UVRAG: variants seen among roughly 807,000 people sequenced by gnomAD.
The protein encoded by UVRAG is UV radiation resistance associated, also known as UV radiation resistance-associated gene protein.
Under a neutral mutation model 78.0 loss-of-function variants are expected in UVRAG, and 19 were observed. The observed-to-expected ratio is 0.24, with a 90% CI of 0.17 to 0.36. UVRAG has a LOEUF of 0.36. Among genes scored for constraint, UVRAG ranks in the 10% least tolerant of loss-of-function variants. The pLI is 1.00. For synonymous variants in UVRAG, 323 were observed against 324.6 expected (o/e 1.00, Z 0.05); for missense variants, 740 against 853.8 (o/e 0.87, Z 1.66).
At chr11:75,883,366 G>GACCAAAA (rs796973314) in intron 4 of UVRAG, among the ~76,000 whole-genome samples, 7 of 30,764 alleles carry the variant, frequency 2.3e-4, no homozygotes, top group South Asian at 7.6e-4. Context: ...GAGTAACAGA[G>GACCAAAA]AACAAAAAAA....
chr11:75,826,149 C>G (rs989163288), intron 1 of UVRAG, among the ~76,000 whole-genome samples: 1 of 149,582 alleles, frequency 6.7e-6, no homozygotes, highest in African/African-American at 2.5e-5. Flanking sequence ...GAACTTGTTT[C>G]GTTTTCTTTC....
intron 13 of UVRAG, among the ~76,000 whole-genome samples, chr11:76,095,439 A>G (rs1437504434): frequency 6.6e-6 from 1 of 152,046 alleles, no homozygotes; most frequent in Non-Finnish European, 1.5e-5. Context: ...AAGCTAATTA[A>G]GCCATTAAAA....
intron 11 of UVRAG, among the ~76,000 whole-genome samples, chr11:76,010,351 A>G (rs966511893): frequency 1.3e-5 from 2 of 152,230 alleles, no homozygotes; most frequent in Non-Finnish European, 1.5e-5. Context: ...TAAACAAGAA[A>G]CTAAGTAACT....
At chr11:75,989,269 G>A (rs574762238) in intron 8 of UVRAG, among the ~76,000 whole-genome samples, 4 of 152,060 alleles carry the variant, frequency 2.6e-5, no homozygotes, top group South Asian at 2.1e-4. Flanking sequence ...TGTCCAGCCC[G>A]GTCTTGAACT....
intron 14 of UVRAG, 74 bp downstream of exon 14, chr11:76,116,089 A>G: frequency 7.3e-7 from 1 of 1,372,096 alleles, no homozygotes; most frequent in Admixed American, 1.8e-5. Flanking sequence ...TGACTTCCAC[A>G]TTGCTCCACA....
rs531898512 is a variant in UVRAG at position 75,908,053 on chromosome 11, C to T, written c.508-3901C>T. On this transcript the variant is annotated intron_variant, in intron 5 of 14. Transcript: ENST00000356136. The stretch of plus-strand genomic sequence containing the variant: ...AACTTTTCACCTTACAAAACTGAAA[C>T]TCTTTATTAAACAATAATTCCTCAT... Among the ~76,000 whole-genome samples, 7 of 152,202 alleles carry T rather than the reference C, an allele frequency of 4.6e-5. No homozygotes were observed. In the East Asian group the frequency reaches 1.3e-3, roughly 29 times the overall value.
At chr11:75,965,517 G>A (rs1046974427) in intron 7 of UVRAG, among the ~76,000 whole-genome samples, 7 of 152,090 alleles carry the variant, frequency 4.6e-5, no homozygotes, top group African/African-American at 7.2e-5. Flanking sequence ...GGGGTTCACC[G>A]TGTTAGCCTG....
intron 14 of UVRAG, among the ~76,000 whole-genome samples, chr11:76,125,060 A>T (rs1296041191): frequency 6.6e-6 from 1 of 152,198 alleles, no homozygotes; most frequent in African/African-American, 2.4e-5. Flanking sequence ...TCTGTCCATC[A>T]TCCTTATGCT....
intron 2 of UVRAG, among the ~76,000 whole-genome samples, chr11:75,854,314 A>G (rs1484737858): frequency 6.6e-6 from 1 of 152,216 alleles, no homozygotes; most frequent in Non-Finnish European, 1.5e-5. Context: ...GGCCAGAGAT[A>G]GAAGGATTAC....
intron 12 of UVRAG, among the ~76,000 whole-genome samples, chr11:76,047,654 T>C (rs1950785865): frequency 6.6e-6 from 1 of 152,250 alleles, no homozygotes; most frequent in Non-Finnish European, 1.5e-5. Context: ...CTACTAGGTA[T>C]AGCTGTTATC....
chr11:76,005,704 G>GT (rs994602720), intron 9 of UVRAG, among the ~76,000 whole-genome samples: 57 of 152,220 alleles, frequency 3.7e-4, no homozygotes, highest in African/African-American at 1.4e-3. Context: ...CAAGCCCCAG[G>GT]TTGTGACCTG....
chr11:76,131,730 T>TA (rs1415029846), intron 14 of UVRAG, among the ~76,000 whole-genome samples: 2 of 152,210 alleles, frequency 1.3e-5, no homozygotes, highest in Non-Finnish European at 2.9e-5. Flanking sequence ...ATTAAGTACT[T>TA]ACACTTATCT....
At chr11:75,960,342 ATTAAC>A (rs1241971662) in intron 6 of UVRAG, among the ~76,000 whole-genome samples, 1 of 152,132 alleles carries the variant, frequency 6.6e-6, no homozygotes, top group East Asian at 1.9e-4. Flanking sequence ...ACCTTGCTAA[ATTAAC>A]TTATTAATTT....
chr11:76,072,893 A>G (rs1029398721), intron 13 of UVRAG, among the ~76,000 whole-genome samples: 2 of 152,120 alleles, frequency 1.3e-5, no homozygotes, highest in African/African-American at 2.4e-5. Context: ...GGGATCCCCA[A>G]CACCCTCAGT....
chr11:75,864,536 C>T (rs1345081445), intron 3 of UVRAG, among the ~76,000 whole-genome samples: 1 of 152,212 alleles, frequency 6.6e-6, no homozygotes, highest in East Asian at 1.9e-4. Context: ...GCCAGGTCAA[C>T]AGCAGAATTG....
At chr11:76,067,023 C>G (rs1287924230) in intron 13 of UVRAG, among the ~76,000 whole-genome samples, 1 of 152,154 alleles carries the variant, frequency 6.6e-6, no homozygotes, top group Non-Finnish European at 1.5e-5. Context: ...TCTGATCAGT[C>G]TAGAATTATT....
chr11:75,871,233 C>T (rs1946641159), intron 3 of UVRAG, among the ~76,000 whole-genome samples: 3 of 151,608 alleles, frequency 2.0e-5, no homozygotes, highest in African/African-American at 7.3e-5. Context: ...TGACTTCTAA[C>T]ACCATAGCTT....
intron 6 of UVRAG, among the ~76,000 whole-genome samples, chr11:75,945,858 C>T (rs1349822606): frequency 6.6e-6 from 1 of 151,918 alleles, no homozygotes; most frequent in African/African-American, 2.4e-5. Context: ...CTAGCTAATT[C>T]CTACTTTTCC....
At chr11:75,949,329 A>G (rs1329834944) in intron 6 of UVRAG, among the ~76,000 whole-genome samples, 1 of 151,886 alleles carries the variant, frequency 6.6e-6, no homozygotes, top group Non-Finnish European at 1.5e-5. Flanking sequence ...TTTCTTAAGT[A>G]TTGATATTCC....
Sources: gnomAD v4.1 joint callset for allele counts (sites outside exome capture counted in the v4.1 genomes callset) on GRCh38, gnomAD v4.1.1 for gene constraint, MANE v1.5 for transcripts, NCBI Gene and HGNC (gene_info 2026-07-23, HGNC 2026-07-21) for gene names.